ANKS3: variants seen among roughly 807,000 people sequenced by gnomAD.
The protein encoded by ANKS3 is ankyrin repeat and sterile alpha motif domain containing 3.
In ANKS3, 62 loss-of-function variants were observed where a neutral mutation model predicts 80.7. The observed-to-expected ratio is 0.77, with a 90% CI of 0.63 to 0.95. The LOEUF is 0.95. Among genes scored for constraint, ANKS3 ranks in the 40% least tolerant of loss-of-function variants. ANKS3 has a pLI of 0.00. For missense variants in ANKS3, 1,150 were observed against 883.6 expected, an observed-to-expected ratio of 1.30 and a Z score of -3.82; for synonymous variants, 489 against 355.3, an observed-to-expected ratio of 1.38 and a Z score of -4.23.
At chr16:4,716,056 C>T (rs2080776849) in intron 6 of ANKS3, among the ~76,000 whole-genome samples, 1 of 151,970 alleles carries the variant, frequency 6.6e-6, no homozygotes, top group East Asian at 1.9e-4. Context: ...CACAAAACAT[C>T]ATTAAGAGAA....
Position 4,697,091 on chromosome 16 carries a change from G to A in ANKS3, c.1908C>T (p.Cys636=), listed in dbSNP as rs754275944. The part of the protein sequence containing the change: ...DRVREMGQAL[C]LVTQSLEKLQ... The stretch of plus-strand genomic sequence containing the variant: ...GCTTCTCCAGGCTCTGGGTCACTAA[G>A]CACAGTGCTTGCCCTGAGGAATGAT... Residue 636 remains cysteine (C), a synonymous_variant, in exon 17 of 18, where the codon TGC becomes TGT. Transcript: ENST00000304283. 14 of 1,613,798 alleles carry A rather than the reference G, an allele frequency of 8.7e-6. No individual in the cohort carries two copies. Among genetic ancestry groups the A allele is most frequent in the African/African-American group, 1.3e-5 (1 of 75,050 alleles).
Position 4,701,458 on chromosome 16 carries a change from G to T in ANKS3, c.1095C>A (p.Ser365Arg), listed in dbSNP as rs771032839. The change falls in exon 10 of 18, where the codon AGC (serine) becomes AGA (arginine). Residue 365 changes from serine to arginine, a missense_variant. Coordinates refer to ENST00000304283, the MANE Select transcript of ANKS3 (RefSeq NM_133450.4). Reference sequence around the variant, plus strand: ...CCTCGTTGCTCTCCACAGAAGCTTCGCTGCTGAGCCCCTGGGCTCTGGCCA... The same window carrying T: ...CCTCGTTGCTCTCCACAGAAGCTTCTCTGCTGAGCCCCTGGGCTCTGGCCA... Reference protein sequence around the residue: ...EGLARAQGLSSEASVESNEDS... With the variant: ...EGLARAQGLSREASVESNEDS... The T allele has an allele frequency of 6.2e-7, 1 of 1,608,126 alleles. No individual in the cohort carries two copies. Among genetic ancestry groups the T allele is most frequent in the South Asian group, 1.1e-5 (1 of 90,900 alleles).
At chr16:4,703,333 C>T (rs72770355) in intron 8 of ANKS3, among the ~76,000 whole-genome samples, 1 of 152,034 alleles carries the variant, frequency 6.6e-6, no homozygotes, top group Admixed American at 6.6e-5. Context: ...AGGCTGGTCT[C>T]ACAACTCCTG....
chr16:4,724,413 G>A (rs918093666), intron 6 of ANKS3, among the ~76,000 whole-genome samples: 7 of 152,158 alleles, frequency 4.6e-5, no homozygotes, highest in African/African-American at 1.7e-4. Context: ...CATCAGGGAG[G>A]TTGAAAAAGA....
Position 4,697,734 on chromosome 16 carries a change from C to G in ANKS3, c.1810+243G>C, listed in dbSNP as rs1596338922. Among the ~76,000 whole-genome samples the G allele has an allele frequency of 2.0e-5, 3 of 152,360 alleles. 1 individual carries two copies. The South Asian group carries it at 6.2e-4, about 32-fold the overall frequency. ...CAGCACAGCACAGCCAGCCAAGGCA[C>G]AGGGCCTTTCTCGAGTACCTCCTAC... On this transcript the variant is annotated intron_variant, in intron 15 of 17. Transcript: ENST00000304283.
intron 8 of ANKS3, 32 bp downstream of exon 8, chr16:4,705,063 G>C (rs373241861): frequency 2.4e-5 from 38 of 1,606,294 alleles, no homozygotes; most frequent in East Asian, 1.6e-4. Context: ...TATGCAATGA[G>C]AAAGAGCCCT....
intron 7 of ANKS3, among the ~76,000 whole-genome samples, chr16:4,709,172 C>T (rs962338040): frequency 8.6e-5 from 13 of 151,684 alleles, no homozygotes; most frequent in South Asian, 8.3e-4. Flanking sequence ...TTTGGGAGGC[C>T]GAGTCGGGTG....
intron 16 of ANKS3, 82 bp downstream of exon 16, chr16:4,697,251 A>C: frequency 3.9e-6 from 6 of 1,544,730 alleles, no homozygotes; most frequent in Non-Finnish European, 4.4e-6. Flanking sequence ...AGAGACACAA[A>C]CCCGCTTTCC....
intron 7 of ANKS3, among the ~76,000 whole-genome samples, chr16:4,708,306 C>T (rs564800832): frequency 5.3e-5 from 8 of 152,136 alleles, no homozygotes; most frequent in African/African-American, 1.4e-4. Flanking sequence ...AATCATAATA[C>T]TTCTATTAGA....
At position 4,714,200 on chromosome 16, in the gene ANKS3, T is replaced by A. The variant is rs779494356; in HGVS notation, c.574-14A>T. On this transcript the variant is annotated splice_polypyrimidine_tract_variant and intron_variant, in intron 6 of 17. Transcript: ENST00000304283. ...CACCTTGACTCCCTGTGAATGTCCG[T>A]GAAAGGGGGTTAGGGGCCTCTCCTT... is the stretch of plus-strand genomic sequence containing the variant. The A allele has an allele frequency of 5.0e-6, 8 of 1,613,550 alleles. No individual in the cohort carries two copies. Among genetic ancestry groups the A allele is most frequent in the Non-Finnish European group, 6.8e-6 (8 of 1,179,742 alleles).
At chr16:4,720,262 G>C (rs1325529246) in intron 6 of ANKS3, among the ~76,000 whole-genome samples, 4 of 148,798 alleles carry the variant, frequency 2.7e-5, no homozygotes, top group African/African-American at 7.4e-5. Flanking sequence ...AAGAGATTGA[G>C]ACCATCCTGG....
At chr16:4,714,919 G>A (rs541208444) in intron 6 of ANKS3, among the ~76,000 whole-genome samples, 3 of 138,802 alleles carry the variant, frequency 2.2e-5, no homozygotes, top group African/African-American at 7.9e-5. Flanking sequence ...TTGAACCCGG[G>A]AAGCGGAGGC....
At chr16:4,713,001 G>A (rs368099134) in intron 7 of ANKS3, among the ~76,000 whole-genome samples, 1 of 152,304 alleles carries the variant, frequency 6.6e-6, no homozygotes, top group South Asian at 2.1e-4. Flanking sequence ...TGAGTGCAGT[G>A]GCTCACACCT....
intron 6 of ANKS3, among the ~76,000 whole-genome samples, chr16:4,719,408 A>G (rs2080968250): frequency 6.6e-6 from 1 of 152,182 alleles, no homozygotes; most frequent in Non-Finnish European, 1.5e-5. Context: ...CTTACTTAAA[A>G]TGACTCTAAA....
At chr16:4,697,134 G>T in intron 16 of ANKS3, 30 bp from the exon 17 acceptor site, 4 of 1,608,016 alleles carry the variant, frequency 2.5e-6, no homozygotes, top group Non-Finnish European at 3.4e-6. Flanking sequence ...AGCCTCTCCC[G>T]GCCAGGCTCA....
chr16:4,723,634 C>A (rs187282495), intron 6 of ANKS3, among the ~76,000 whole-genome samples: 3 of 152,240 alleles, frequency 2.0e-5, no homozygotes, highest in Non-Finnish European at 4.4e-5. Context: ...TGCAGCAGTA[C>A]TGCATTACTT....
intron 6 of ANKS3, among the ~76,000 whole-genome samples, chr16:4,721,991 T>A (rs1444966981): frequency 2.0e-5 from 3 of 151,146 alleles, no homozygotes; most frequent in Non-Finnish European, 4.4e-5. Context: ...TTTTAAAAAA[T>A]GCAAGATGGG....
At chr16:4,714,759 C>A (rs941347062) in intron 6 of ANKS3, among the ~76,000 whole-genome samples, 6 of 150,046 alleles carry the variant, frequency 4.0e-5, no homozygotes, top group African/African-American at 1.5e-4. Context: ...TTTGGGAGGC[C>A]GAGGTGGGCA....
intron 6 of ANKS3, among the ~76,000 whole-genome samples, chr16:4,722,928 C>T (rs2081177634): frequency 6.8e-6 from 1 of 147,130 alleles, no homozygotes; most frequent in Non-Finnish European, 1.5e-5. Flanking sequence ...ACTTCTGTCT[C>T]CAAAAAAAAA....
Sources: gnomAD v4.1 joint callset for allele counts (sites outside exome capture counted in the v4.1 genomes callset) on GRCh38, gnomAD v4.1.1 for gene constraint, MANE v1.5 for transcripts, NCBI Gene and HGNC (gene_info 2026-07-23, HGNC 2026-07-21) for gene names.